CEP72: variants seen among roughly 807,000 people sequenced by gnomAD.
The protein encoded by CEP72 is centrosomal protein 72.
CEP72 carries 78 observed loss-of-function variants against 65.7 expected under a neutral mutation model. The observed-to-expected ratio is 1.19, with a 90% CI of 0.99 to 1.43. CEP72 has a LOEUF of 1.43. Among genes scored for constraint, CEP72 ranks in the 40% most tolerant of loss-of-function variants. The pLI is 0.00. For synonymous variants in CEP72, 358 were observed against 351.7 expected, an observed-to-expected ratio of 1.02 and a Z score of -0.20; for missense variants, 914 against 832.9, an observed-to-expected ratio of 1.10 and a Z score of -1.20.
rs986587175 is a variant in CEP72, at chr5:624,103, A to T, written c.404-368A>T. Among the ~76,000 whole-genome samples, 4 of 152,172 alleles carry T rather than the reference A, an allele frequency of 2.6e-5. No individual in the cohort carries two copies. The highest frequency in any genetic ancestry group is 6.5e-5 in the Admixed American group (1 of 15,288). ...ACCCAAAAGGCCTCCTGGAAGTTGC[A>T]GCCTCTCGGGCCGGGCAGGCTCCCT... On this transcript the variant is annotated intron_variant, in intron 3 of 11. Transcript: ENST00000264935. The surrounding 1 kb of genome is among the most constrained non-coding windows in gnomAD (Gnocchi z 4.7).
intron 1 of CEP72, among the ~76,000 whole-genome samples, chr5:615,936 C>T (rs1735961185): frequency 6.6e-6 from 1 of 152,140 alleles, no homozygotes; most frequent in Non-Finnish European, 1.5e-5. Flanking sequence ...AATATAGAAA[C>T]TTTATCACCA....
Position 612,353 on chromosome 5 carries a change from G to A in CEP72, c.-9G>A, listed in dbSNP as rs1196421676. 6 of 1,488,280 alleles carry A rather than the reference G, an allele frequency of 4.0e-6. No individual in the cohort carries two copies. Among genetic ancestry groups the A allele is most frequent in the Middle Eastern group, 4.7e-4 (2 of 4,274 alleles). The allele number at this position is 1,488,280 out of a possible 1,614,324, so 92.2% of individuals were successfully genotyped here. On this transcript the variant is annotated 5_prime_UTR_variant, in exon 1 of 12. Coordinates refer to ENST00000264935, the MANE Select transcript of CEP72 (RefSeq NM_018140.4). ...CGCGCAGGCGCCGTCCGAGGGCTCC[G>A]TTTGAAACATGGCGCGGGCTGGCCC...
At chr5:671,226 C>T (rs568853119), downstream of CEP72, among the ~76,000 whole-genome samples, 5 of 143,336 alleles carry the variant, frequency 3.5e-5, 1 homozygote, top group African/African-American at 1.3e-4. Flanking sequence ...GCGTTGCTGC[C>T]GGCCTTTTCG....
At chr5:658,429 C>T (rs1454017688), downstream of CEP72, among the ~76,000 whole-genome samples, 5 of 152,234 alleles carry the variant, frequency 3.3e-5, no homozygotes, top group African/African-American at 7.2e-5. Context: ...ATCTGCCTCC[C>T]GGGGACTCAG....
At chr5:672,676 C>T in the CEP72 span, among the ~76,000 whole-genome samples, 5 of 152,330 alleles carry the variant, frequency 3.3e-5, no homozygotes, top group East Asian at 1.9e-4. Context: ...TCCCCAGGCT[C>T]GAGGAGGCGC....
chr5:629,475 G>A (rs1402275049), intron 4 of CEP72, among the ~76,000 whole-genome samples: 6 of 140,184 alleles, frequency 4.3e-5, no homozygotes, highest in Non-Finnish European at 7.8e-5. Context: ...AGTCCTGGTG[G>A]GGTTCTGTCC....
chr5:668,866 C>T (rs576718219), downstream of CEP72, among the ~76,000 whole-genome samples: 14 of 152,330 alleles, frequency 9.2e-5, no homozygotes, highest in East Asian at 9.7e-4. Flanking sequence ...GCCCAGGATA[C>T]GCACCCAACG....
downstream of CEP72, among the ~76,000 whole-genome samples, chr5:668,666 C>T (rs980568824): frequency 5.3e-5 from 8 of 152,220 alleles, no homozygotes; most frequent in African/African-American, 1.9e-4. Context: ...CAAAGGTGGC[C>T]CAGCAGTCCC....
At chr5:649,327 C>G (rs1408304299) in intron 11 of CEP72, among the ~76,000 whole-genome samples, 1 of 86,982 alleles carries the variant, frequency 1.1e-5, no homozygotes, top group East Asian at 3.8e-4. Flanking sequence ...GACTGTGAGG[C>G]GTGACTGTGA....
At position 629,032 on chromosome 5, in the gene CEP72, G is replaced by T. The variant is rs532756699; in HGVS notation, c.512+4453G>T. ...TGGAGAACTCAGATCGCAGGCCCCG[G>T]GGAGTGGGACTGTCCTCGGGTGGAC... On this transcript the variant is annotated intron_variant, in intron 4 of 11. Coordinates refer to ENST00000264935, the MANE Select transcript of CEP72 (RefSeq NM_018140.4). 9.9e-4 allele frequency among the ~76,000 whole-genome samples: 151 copies of T among 152,374 alleles called. 5 individuals carry two copies. Among genetic ancestry groups the T allele is most frequent in the Middle Eastern group, 6.8e-3 (2 of 294 alleles).
chr5:642,537 C>A, intron 9 of CEP72: 1 of 985,454 alleles, frequency 1.0e-6, no homozygotes, highest in Non-Finnish European at 1.2e-6. Flanking sequence ...AGCTGACAGG[C>A]GGAGCCCAAA....
At chr5:643,622 C>T (rs573848315) in intron 9 of CEP72, 23 of 985,370 alleles carry the variant, frequency 2.3e-5, no homozygotes, top group Non-Finnish European at 2.4e-5. Context: ...TGCTCAGCAC[C>T]CCCGGCCCCA....
In CEP72 at chr5:624,430, C is replaced by T. The variant is rs775838119; in HGVS notation, c.404-41C>T. The T allele has an allele frequency of 1.3e-5, 20 of 1,505,874 alleles. No individual in the cohort carries two copies. Among genetic ancestry groups the T allele is most frequent in the East Asian group, 4.5e-5 (2 of 44,100 alleles). 93.3% of individuals were successfully genotyped at this position (1,505,874 alleles called of 1,614,324 possible). ...CCCCAGGGTGGATGCAGCCGCCCGC[C>T]GCTTGCCACCTGCACAGTCTTGTGT... On this transcript the variant is annotated intron_variant, in intron 3 of 11. Coordinates refer to ENST00000264935, the MANE Select transcript of CEP72 (RefSeq NM_018140.4). This position sits in a 1 kb window ranked among gnomAD's most constrained non-coding sequence, Gnocchi z 4.7.
chr5:634,003 A>G (rs936309148), intron 5 of CEP72, 56 bp downstream of exon 5: 15 of 1,539,208 alleles, frequency 9.7e-6, no homozygotes, highest in Non-Finnish European at 1.3e-5. Flanking sequence ...GGATATATAT[A>G]GTCGTTACTG....
At chr5:671,491 T>C (rs1740222884), downstream of CEP72, among the ~76,000 whole-genome samples, 1 of 152,244 alleles carries the variant, frequency 6.6e-6, no homozygotes. Context: ...CCTTCTCAAA[T>C]GACCTGTGTT....
At chr5:672,391 C>G in the CEP72 span, among the ~76,000 whole-genome samples, 1 of 152,240 alleles carries the variant, frequency 6.6e-6, no homozygotes, top group Non-Finnish European at 1.5e-5. Context: ...CTATAGGAAA[C>G]GTCAGTGCAT....
At chr5:656,808 T>C (rs959585278), downstream of CEP72, 5 of 152,232 alleles carry the variant, frequency 3.3e-5, no homozygotes, top group East Asian at 9.6e-4. Flanking sequence ...CCTAGTGCAG[T>C]GCTGATTAGA....
Position 637,178 on chromosome 5 carries a change from G to A in CEP72, c.905-339G>A, listed in dbSNP as rs1485119409. ...TGTGCTTAGACGTTGTTTGGAACGC[G>A]TTGTTGAAGCGTACTGCACGTCGGT... On this transcript the variant is annotated intron_variant, in intron 6 of 11. Coordinates refer to ENST00000264935, the MANE Select transcript of CEP72 (RefSeq NM_018140.4). 3.9e-5 allele frequency among the ~76,000 whole-genome samples: 6 copies of A among 152,216 alleles called. No homozygotes were observed. In the East Asian group the frequency reaches 9.6e-4, roughly 24 times the overall value.
intron 4 of CEP72, among the ~76,000 whole-genome samples, chr5:629,546 C>T (rs1362152263): frequency 5.8e-5 from 7 of 120,232 alleles, no homozygotes; most frequent in Non-Finnish European, 1.2e-4. Flanking sequence ...TTGGACCAGT[C>T]CTGGTGGGGT....
Sources: allele counts gnomAD v4.1 joint callset (sites outside exome capture counted in the v4.1 genomes callset), GRCh38; gene constraint gnomAD v4.1.1; non-coding constraint Gnocchi (gnomAD v3.1); transcripts MANE v1.5; gene names NCBI Gene and HGNC (gene_info 2026-07-23, HGNC 2026-07-21).